Variants in KLRG1 observed in about 807,000 individuals in gnomAD.
KLRG1 encodes the protein killer cell lectin-like receptor subfamily G member 1.
KLRG1 carries 16 observed loss-of-function variants against 21.8 expected under a neutral mutation model. The ratio of observed to expected loss-of-function variants is 0.73; its 90% CI spans 0.50 to 1.11. The LOEUF (loss-of-function observed/expected upper bound fraction) is 1.11. KLRG1 is among the 50% of genes most tolerant of loss of function. KLRG1 has a pLI of 0.00. For synonymous variants in KLRG1, 69 were observed against 75.9 expected, an observed-to-expected ratio of 0.91 and a Z score of 0.47; for missense variants, 173 against 218.3, an observed-to-expected ratio of 0.79 and a Z score of 1.31.
the KLRG1 span, chr12:9,192,622 C>T: frequency 6.2e-7 from 1 of 1,614,142 alleles, no homozygotes; most frequent in Non-Finnish European, 8.5e-7. Context: ...GCCACAGGCT[C>T]CAGGTGAATG....
the KLRG1 span, among the ~76,000 whole-genome samples, chr12:9,175,375 G>C: frequency 6.6e-6 from 1 of 152,060 alleles, no homozygotes; most frequent in Non-Finnish European, 1.5e-5. Flanking sequence ...GAAAATCTAG[G>C]CAATACCATT....
the KLRG1 span, chr12:9,196,640 G>T: frequency 5.6e-6 from 9 of 1,613,636 alleles, no homozygotes; most frequent in Non-Finnish European, 7.6e-6. Flanking sequence ...GTAATCTGGA[G>T]CATTTTGGTG....
intron 1 of KLRG1, among the ~76,000 whole-genome samples, chr12:8,978,644 CTTT>C (rs1946698628): frequency 5.6e-5 from 1 of 17,908 alleles, no homozygotes; most frequent in African/African-American, 1.0e-4. Flanking sequence ...TCTTTCTTTT[CTTT>C]CTTTCTTTCT....
rs748570415 is a variant in KLRG1 at position 8,960,859 on chromosome 12, G to A, written c.-156+10623G>A. 2.0e-5 allele frequency among the ~76,000 whole-genome samples: 3 copies of A among 152,242 alleles called. No individual in the cohort carries two copies. In the South Asian group the frequency reaches 6.2e-4, roughly 32 times the overall value. On this transcript the variant is annotated intron_variant, in intron 1 of 4. Coordinates refer to the KLRG1 transcript ENST00000539240. ...TTAAGCTCAAGGGAGATTCCCTAAG[G>A]TCTCCTCTCATTTGACCCACTCAAT...
the KLRG1 span, chr12:9,159,929 C>T: frequency 6.2e-7 from 1 of 1,600,460 alleles, no homozygotes; most frequent in African/African-American, 1.3e-5. Context: ...AATAGATTTT[C>T]TTTCTTACCA....
chr12:9,003,488 T>C (rs1947366801), intron 3 of KLRG1, among the ~76,000 whole-genome samples: 1 of 152,068 alleles, frequency 6.6e-6, no homozygotes, highest in Non-Finnish European at 1.5e-5. Flanking sequence ...AAAAATCCAT[T>C]CTTTTTTTCC....
At chr12:9,134,479 G>T in the KLRG1 span, among the ~76,000 whole-genome samples, 9 of 152,060 alleles carry the variant, frequency 5.9e-5, no homozygotes, top group Non-Finnish European at 1.0e-4. Context: ...ATATATTATT[G>T]TCGACTATAA....
At chr12:8,994,143 C>A (rs1947060645) in intron 2 of KLRG1, among the ~76,000 whole-genome samples, 1 of 152,156 alleles carries the variant, frequency 6.6e-6, no homozygotes, top group African/African-American at 2.4e-5. Flanking sequence ...TGGCTCACTG[C>A]AACCTCTGCC....
the KLRG1 span, chr12:9,157,249 G>A: frequency 1.1e-5 from 18 of 1,614,032 alleles, no homozygotes; most frequent in Non-Finnish European, 1.4e-5. Context: ...TAGGGAAAAA[G>A]CATAGGCCAG....
intron 3 of KLRG1, among the ~76,000 whole-genome samples, chr12:8,999,704 T>G (rs1325152896): frequency 6.6e-6 from 1 of 152,210 alleles, no homozygotes; most frequent in African/African-American, 2.4e-5. Context: ...TTTCTTAACC[T>G]TTTTGACTCT....
At chr12:9,024,924 G>T in the KLRG1 span, among the ~76,000 whole-genome samples, 3 of 152,200 alleles carry the variant, frequency 2.0e-5, no homozygotes, top group African/African-American at 4.8e-5. Context: ...AGGAAGTAAA[G>T]AAGAGGGAAG....
At chr12:9,171,812 A>G in the KLRG1 span, among the ~76,000 whole-genome samples, 2 of 152,132 alleles carry the variant, frequency 1.3e-5, no homozygotes, top group Non-Finnish European at 2.9e-5. Flanking sequence ...AAAAGAAATG[A>G]ACAAAACCTC....
chr12:9,139,219 G>A, the KLRG1 span, among the ~76,000 whole-genome samples: 1 of 151,960 alleles, frequency 6.6e-6, no homozygotes, highest in South Asian at 2.1e-4. Context: ...TAATATCTAT[G>A]TATTTTTTAT....
At chr12:9,047,406 A>G in the KLRG1 span, among the ~76,000 whole-genome samples, 1 of 152,228 alleles carries the variant, frequency 6.6e-6, no homozygotes, top group Non-Finnish European at 1.5e-5. Context: ...GCAAGCACTG[A>G]AAATGTTTTT....
At chr12:9,154,998 C>T in the KLRG1 span, among the ~76,000 whole-genome samples, 1 of 152,308 alleles carries the variant, frequency 6.6e-6, no homozygotes, top group Middle Eastern at 3.4e-3. Context: ...ACTCACACTT[C>T]TATGCTGAAC....
chr12:9,094,943 G>T, the KLRG1 span: 3 of 1,211,482 alleles, frequency 2.5e-6, no homozygotes, highest in South Asian at 1.7e-5. Flanking sequence ...AATATATTAG[G>T]CAATATATAT....
the KLRG1 span, among the ~76,000 whole-genome samples, chr12:9,062,437 T>TA: frequency 1.5e-4 from 21 of 139,138 alleles, no homozygotes; most frequent in South Asian, 4.7e-4. Flanking sequence ...ATATATTGTA[T>TA]AAAAAATCAC....
At chr12:9,189,766 A>T in the KLRG1 span, among the ~76,000 whole-genome samples, 1 of 152,350 alleles carries the variant, frequency 6.6e-6, no homozygotes, top group Non-Finnish European at 1.5e-5. Context: ...AATATCTAGC[A>T]TCTGTATAGA....
the KLRG1 span, among the ~76,000 whole-genome samples, chr12:9,143,351 G>A: frequency 6.6e-6 from 1 of 152,170 alleles, no homozygotes; most frequent in South Asian, 2.1e-4. Context: ...GTTTTTGAAT[G>A]AGTAACAGGT....
Sources: allele counts gnomAD v4.1 joint callset (sites outside exome capture counted in the v4.1 genomes callset), GRCh38; gene constraint gnomAD v4.1.1; transcripts MANE v1.5; gene names NCBI Gene and HGNC (gene_info 2026-07-23, HGNC 2026-07-21).